The following ITGB6 variants were observed in gnomAD, a reference collection of about 807,000 sequenced individuals.
ITGB6 encodes the protein integrin subunit beta 6, also known as integrin beta-6.
A neutral mutation model predicts 84.5 loss-of-function variants in ITGB6; 80 were observed. The observed-to-expected ratio is 0.95, with a 90% CI of 0.79 to 1.14. The LOEUF (loss-of-function observed/expected upper bound fraction) is 1.14, where lower values mean the gene tolerates loss of function less well. Ranked by LOEUF, ITGB6 falls within the 50% of genes most tolerant of loss-of-function variation. ITGB6 has a pLI of 0.00. For missense variants in ITGB6, 1,006 were observed against 968.0 expected (o/e 1.04, Z -0.52); for synonymous variants, 383 against 354.9 (o/e 1.08, Z -0.89).
chr2:160,137,315 A>G (rs1559135906), intron 10 of ITGB6, 119 bp downstream of exon 10: 21 of 930,894 alleles, frequency 2.3e-5, no homozygotes, highest in Non-Finnish European at 2.5e-5. Context: ...TCTAAGGCTG[A>G]TCAGCAAATA....
At position 160,166,134 on chromosome 2, in the gene ITGB6, T is replaced by C. The variant is rs561384874; in HGVS notation, c.1017+3078A>G. On this transcript the variant is annotated intron_variant, in intron 7 of 14. Coordinates refer to ENST00000283249, the MANE Select transcript of ITGB6 (RefSeq NM_000888.5). ...TTTGTCTCCAGAGGAAAGGTCCCTT[T>C]GGCTGCATAAAAACCTGCTTGTACT... Among the ~76,000 whole-genome samples the C allele has an allele frequency of 2.6e-5, 4 of 152,338 alleles. No individual in the cohort carries two copies. The East Asian group carries it at 7.7e-4, about 29-fold the overall frequency.
At chr2:160,143,457 T>C (rs749755685) in intron 7 of ITGB6, among the ~76,000 whole-genome samples, 18 of 152,186 alleles carry the variant, frequency 1.2e-4, no homozygotes, top group Non-Finnish European at 2.4e-4. Context: ...TCTAAGGTAT[T>C]ACTCACCTAC....
chr2:160,199,682 G>A (rs1242166723), intron 1 of ITGB6, among the ~76,000 whole-genome samples: 1 of 152,154 alleles, frequency 6.6e-6, no homozygotes, highest in Non-Finnish European at 1.5e-5. Context: ...ACTCCTAAGT[G>A]GAAGATCTTG....
chr2:160,199,547 T>C (rs1559246960), intron 1 of ITGB6, among the ~76,000 whole-genome samples: 1 of 152,246 alleles, frequency 6.6e-6, no homozygotes, highest in Admixed American at 6.5e-5. Flanking sequence ...ATCCTATTTA[T>C]TATTCTTAGC....
intron 12 of ITGB6, among the ~76,000 whole-genome samples, chr2:160,117,685 A>G (rs1682845462): frequency 1.3e-5 from 2 of 152,318 alleles, no homozygotes; most frequent in Admixed American, 1.3e-4. Context: ...TGAAGGAAAT[A>G]GAGACACAAA....
intron 11 of ITGB6, among the ~76,000 whole-genome samples, chr2:160,125,050 A>G (rs1431654538): frequency 6.6e-6 from 1 of 152,188 alleles, no homozygotes; most frequent in East Asian, 1.9e-4. Flanking sequence ...CCCCTGCTGT[A>G]GAGTTCCATA....
At chr2:160,188,933 C>T (rs912262045) in intron 4 of ITGB6, among the ~76,000 whole-genome samples, 5 of 152,150 alleles carry the variant, frequency 3.3e-5, no homozygotes, top group East Asian at 1.9e-4. Flanking sequence ...AGAGGCATCA[C>T]GCTACCGGAC....
intron 10 of ITGB6, among the ~76,000 whole-genome samples, chr2:160,129,452 C>T (rs933288288): frequency 6.6e-6 from 1 of 150,394 alleles, no homozygotes; most frequent in Non-Finnish European, 1.5e-5. Flanking sequence ...TTTTGCTCTT[C>T]CAGCAAAATT....
At chr2:160,161,692 ACTTTT>A (rs10535820) in intron 7 of ITGB6, among the ~76,000 whole-genome samples, 23,110 of 151,932 alleles carry the variant, frequency 0.15, 2,274 homozygotes, top group East Asian at 0.32. Context: ...ATTCCTCCTC[ACTTTT>A]CTTTTTGCAA....
rs143852527 is a variant in ITGB6, at chr2:160,172,646, G to C, written c.844C>G (p.Leu282Val). 15 of 1,612,270 alleles carry C rather than the reference G, an allele frequency of 9.3e-6. No homozygotes were observed. Among genetic ancestry groups the C allele is most frequent in the Non-Finnish European group, 1.1e-5 (13 of 1,178,522 alleles). ...TCATTAGGAATGACGATGCCTGCTA[G>C]TTTGCTGTCCATTCCAAAATGAGAA... Reference protein sequence around the residue: ...ADSHFGMDSKLAGIVIPNDGL... With the variant: ...ADSHFGMDSKVAGIVIPNDGL... The change falls in exon 6 of 15, where the codon CTA (leucine) becomes GTA (valine). Residue 282 changes from leucine to valine, a missense_variant. Transcript: ENST00000283249.
At chr2:160,154,235 A>T in intron 7 of ITGB6, among the ~76,000 whole-genome samples, 1 of 152,214 alleles carries the variant, frequency 6.6e-6, no homozygotes, top group Non-Finnish European at 1.5e-5. Flanking sequence ...CATATACACC[A>T]TGGAATACTA....
chr2:160,114,103 A>G (rs1280758136), intron 12 of ITGB6, among the ~76,000 whole-genome samples: 2 of 152,216 alleles, frequency 1.3e-5, no homozygotes, highest in Non-Finnish European at 2.9e-5. Context: ...ACTGAAGCCT[A>G]GAGAGGCTTA....
intron 4 of ITGB6, among the ~76,000 whole-genome samples, chr2:160,193,006 A>G (rs897232244): frequency 5.3e-5 from 8 of 152,192 alleles, no homozygotes; most frequent in Non-Finnish European, 1.2e-4. Flanking sequence ...GTAAGGATAT[A>G]CAATATCTGG....
At chr2:160,199,396 T>G (rs771588625) in intron 1 of ITGB6, 138 bp from the exon 2 acceptor site, 18 of 613,690 alleles carry the variant, frequency 2.9e-5, no homozygotes, top group Non-Finnish European at 5.0e-5. Context: ...CTCGAAATGT[T>G]AGCAATTCAC....
At position 160,100,148 on chromosome 2, in the gene ITGB6, G is replaced by T. The variant is rs903650874; in HGVS notation, c.*1588C>A. On this transcript the variant is annotated 3_prime_UTR_variant, in exon 15 of 15. Coordinates refer to ENST00000283249, the MANE Select transcript of ITGB6 (RefSeq NM_000888.5). ...AGTTATCTAGAAACCAGCAAAAAAA[G>T]AGTCTCCAAGTGATCAAAGGTATAT... 2 of 152,164 alleles carry T rather than the reference G, an allele frequency of 1.3e-5. No homozygotes were observed. Among genetic ancestry groups the T allele is most frequent in the African/African-American group, 4.8e-5 (2 of 41,448 alleles). 9.4% of individuals were successfully genotyped at this position (152,164 alleles called of 1,614,324 possible).
At chr2:160,153,079 A>C (rs1042163698) in intron 7 of ITGB6, among the ~76,000 whole-genome samples, 2 of 152,232 alleles carry the variant, frequency 1.3e-5, no homozygotes, top group African/African-American at 4.8e-5. Flanking sequence ...CAGAATTGGA[A>C]AAAACTACTT....
At chr2:160,127,010 C>G (rs956564757) in intron 10 of ITGB6, among the ~76,000 whole-genome samples, 2 of 152,192 alleles carry the variant, frequency 1.3e-5, no homozygotes, top group Non-Finnish European at 2.9e-5. Flanking sequence ...AATTCAGGCA[C>G]AGCTGACCAA....
Position 160,100,998 on chromosome 2 carries a change from A to G in ITGB6, c.*738T>C, listed in dbSNP as rs1351396919. ...GTAACAGTTTGAAAACTCAGAGTCA[A>G]AAAGGAAACAGTGTAGAATATCGTT... On this transcript the variant is annotated 3_prime_UTR_variant, in exon 15 of 15. Transcript: ENST00000283249. The G allele has an allele frequency of 6.6e-6, 1 of 152,198 alleles. No individual in the cohort carries two copies. The highest frequency in any genetic ancestry group is 1.5e-5 in the Non-Finnish European group (1 of 68,022). 9.4% of individuals were successfully genotyped at this position (152,198 alleles called of 1,614,324 possible).
At chr2:160,102,223 A>G (rs1696749162) in intron 14 of ITGB6, among the ~76,000 whole-genome samples, 3 of 152,244 alleles carry the variant, frequency 2.0e-5, no homozygotes, top group Non-Finnish European at 4.4e-5. Context: ...ATCAAAGCCA[A>G]AAAAGTAAAA....
Sources: allele counts gnomAD v4.1 joint callset (sites outside exome capture counted in the v4.1 genomes callset), GRCh38; gene constraint gnomAD v4.1.1; transcripts MANE v1.5; gene names NCBI Gene and HGNC (gene_info 2026-07-23, HGNC 2026-07-21).